Variants in GRIK2 observed in about 807,000 individuals in gnomAD.
The protein encoded by GRIK2 is glutamate receptor ionotropic, kainate 2.
Under a neutral mutation model 100.3 loss-of-function variants are expected in GRIK2, and 32 were observed. That is an observed-to-expected ratio of 0.32 (90% CI 0.24 to 0.43). The LOEUF (loss-of-function observed/expected upper bound fraction) is 0.43. Ranked by LOEUF, GRIK2 falls within the 20% of genes least tolerant of loss-of-function variation. GRIK2 has a pLI of 1.00. For missense variants in GRIK2, 843 were observed against 1,114.9 expected, an observed-to-expected ratio of 0.76 and a Z score of 3.47; for synonymous variants, 417 against 389.4, an observed-to-expected ratio of 1.07 and a Z score of -0.83.
At chr6:101,771,658 A>G (rs1778414085) in intron 7 of GRIK2, among the ~76,000 whole-genome samples, 1 of 148,490 alleles carries the variant, frequency 6.7e-6, no homozygotes, top group Admixed American at 6.7e-5. Flanking sequence ...CATTAGGTAT[A>G]TCTCCTAATG....
chr6:101,942,210 G>A (rs1006535991), intron 14 of GRIK2, among the ~76,000 whole-genome samples: 4 of 152,102 alleles, frequency 2.6e-5, no homozygotes, highest in Non-Finnish European at 5.9e-5. Flanking sequence ...TAATCCCCAT[G>A]TGTTGAAAGA....
intron 9 of GRIK2, among the ~76,000 whole-genome samples, chr6:101,812,895 T>C (rs1455667956): frequency 6.6e-6 from 1 of 152,008 alleles, no homozygotes; most frequent in Non-Finnish European, 1.5e-5. Flanking sequence ...AACTACAAGA[T>C]GCAACAAAGT....
chr6:102,048,267 C>T (rs939789652), intron 15 of GRIK2, among the ~76,000 whole-genome samples: 3 of 151,614 alleles, frequency 2.0e-5, no homozygotes, highest in Non-Finnish European at 4.4e-5. Context: ...TAGAAGAAAA[C>T]ATAGGGCAAA....
At chr6:101,633,157 A>C (rs1780843523) in intron 4 of GRIK2, among the ~76,000 whole-genome samples, 1 of 152,046 alleles carries the variant, frequency 6.6e-6, no homozygotes, top group East Asian at 1.9e-4. Context: ...TTTCTTGCCC[A>C]CCCTGCCCTG....
rs909453457 is a variant in GRIK2, at chr6:102,069,224, A to C, written c.*713A>C. 1.9e-4 allele frequency: 29 copies of C among 148,916 alleles called. No homozygotes were observed. Among genetic ancestry groups the C allele is most frequent in the African/African-American group, 6.8e-4 (28 of 41,008 alleles). 9.2% of individuals were successfully genotyped at this position (148,916 alleles called of 1,614,324 possible). ...TGTTTTCTTAAGTTCCCTAAGGCAG[A>C]AGATTTAACATGCAATTCTACCAGA... On this transcript the variant is annotated 3_prime_UTR_variant, in exon 17 of 17. Transcript: ENST00000369134.
At chr6:101,982,707 CT>C (rs1455131402) in intron 14 of GRIK2, among the ~76,000 whole-genome samples, 1 of 150,114 alleles carries the variant, frequency 6.7e-6, no homozygotes, top group African/African-American at 2.5e-5. Flanking sequence ...AGTGCCACAA[CT>C]GAAACAAAAG....
chr6:101,570,918 G>A (rs935319540), intron 2 of GRIK2, among the ~76,000 whole-genome samples: 1 of 152,134 alleles, frequency 6.6e-6, no homozygotes, highest in African/African-American at 2.4e-5. Context: ...TAAATTAAAT[G>A]CCAAGTCTAC....
At chr6:101,952,997 C>A (rs1791698690) in intron 14 of GRIK2, among the ~76,000 whole-genome samples, 1 of 152,196 alleles carries the variant, frequency 6.6e-6, no homozygotes, top group Non-Finnish European at 1.5e-5. Flanking sequence ...CTGCTTCTGA[C>A]TATAAAACTT....
chr6:101,741,349 A>G (rs1776016763), intron 7 of GRIK2, among the ~76,000 whole-genome samples: 1 of 152,214 alleles, frequency 6.6e-6, no homozygotes, highest in South Asian at 2.1e-4. Context: ...TGTCTGCAGA[A>G]TTCATCTGTT....
chr6:101,462,826 A>C (rs1189738137), intron 2 of GRIK2, among the ~76,000 whole-genome samples: 1 of 152,198 alleles, frequency 6.6e-6, no homozygotes, highest in Non-Finnish European at 1.5e-5. Flanking sequence ...GAATCCTGAA[A>C]CTGGGTCGAG....
At chr6:101,515,633 T>C (rs6913883) in intron 2 of GRIK2, among the ~76,000 whole-genome samples, 38,269 of 152,116 alleles carry the variant, frequency 0.25, 4,991 homozygotes, top group Middle Eastern at 0.33. Flanking sequence ...TGGTATCCCA[T>C]TGTGGCTTTA....
intron 11 of GRIK2, among the ~76,000 whole-genome samples, chr6:101,879,114 T>C (rs779371573): frequency 3.3e-5 from 5 of 151,984 alleles, no homozygotes; most frequent in Non-Finnish European, 7.4e-5. Flanking sequence ...TCTCAAAAGT[T>C]TCTTTGCAGA....
intron 14 of GRIK2, among the ~76,000 whole-genome samples, chr6:102,033,852 G>A (rs1394575556): frequency 6.6e-6 from 1 of 151,388 alleles, no homozygotes; most frequent in Non-Finnish European, 1.5e-5. Flanking sequence ...TATTTCAAAT[G>A]TGAAATAATA....
At chr6:101,918,863 GA>G (rs1278721461) in intron 12 of GRIK2, among the ~76,000 whole-genome samples, 8 of 151,668 alleles carry the variant, frequency 5.3e-5, no homozygotes, top group Admixed American at 4.0e-4. Context: ...ATTGATACAT[GA>G]AATCACATTA....
intron 9 of GRIK2, among the ~76,000 whole-genome samples, chr6:101,814,467 A>G (rs1228348719): frequency 1.3e-5 from 2 of 152,114 alleles, no homozygotes; most frequent in East Asian, 1.9e-4. Context: ...TTTATCAATA[A>G]CACCATCTAC....
intron 10 of GRIK2, among the ~76,000 whole-genome samples, chr6:101,840,619 C>T (rs1442779221): frequency 6.6e-6 from 1 of 152,126 alleles, no homozygotes; most frequent in Non-Finnish European, 1.5e-5. Context: ...CTTGGTTTAT[C>T]CATTTATCAG....
intron 2 of GRIK2, among the ~76,000 whole-genome samples, chr6:101,418,036 G>A (rs1176347358): frequency 6.6e-6 from 1 of 152,186 alleles, no homozygotes; most frequent in East Asian, 1.9e-4. Context: ...TTGACTACTA[G>A]CGTCAGCTTC....
chr6:101,665,574 C>A (rs1769964770), intron 4 of GRIK2, among the ~76,000 whole-genome samples: 1 of 152,158 alleles, frequency 6.6e-6, no homozygotes, highest in Admixed American at 6.6e-5. Context: ...TTATTCCCAC[C>A]TTTCTGTCAC....
chr6:101,459,758 C>G (rs1337272581), intron 2 of GRIK2, among the ~76,000 whole-genome samples: 1 of 151,726 alleles, frequency 6.6e-6, no homozygotes, highest in Non-Finnish European at 1.5e-5. Flanking sequence ...TGCTCTGGAC[C>G]ATAGAAATTA....
Sources: allele counts gnomAD v4.1 joint callset (sites outside exome capture counted in the v4.1 genomes callset), GRCh38; gene constraint gnomAD v4.1.1; transcripts MANE v1.5; gene names NCBI Gene and HGNC (gene_info 2026-07-23, HGNC 2026-07-21).